The following KIF1A variants were observed in gnomAD, a reference collection of about 807,000 sequenced individuals.
The protein encoded by KIF1A is kinesin-like protein KIF1A.
KIF1A carries 46 observed loss-of-function variants against 227.3 expected under a neutral mutation model. The ratio of observed to expected loss-of-function variants is 0.20; its 90% confidence interval spans 0.16 to 0.26. The LOEUF (loss-of-function observed/expected upper bound fraction) is 0.26. Ranked by LOEUF, KIF1A falls within the 10% of genes least tolerant of loss-of-function variation. The pLI is 1.00. For missense variants in KIF1A, 1,683 were observed against 2,485.9 expected (o/e 0.68, Z 6.87); for synonymous variants, 1,022 against 1,012.8 (o/e 1.01, Z -0.17).
At chr2:240,800,889 G>C (rs961338030) in intron 1 of KIF1A, among the ~76,000 whole-genome samples, 8 of 152,252 alleles carry the variant, frequency 5.3e-5, no homozygotes, top group African/African-American at 1.9e-4. Flanking sequence ...CAGAGCCATA[G>C]CTCGGACGAA....
intron 1 of KIF1A, among the ~76,000 whole-genome samples, chr2:240,800,401 C>T (rs750637511): frequency 3.9e-4 from 60 of 152,248 alleles, no homozygotes; most frequent in South Asian, 6.2e-4. Flanking sequence ...CCCGATACCA[C>T]GCCGCACTGT....
rs1216585387 is a variant in KIF1A at position 240,739,687 on chromosome 2, G to A, written c.3901+371C>T. Reference sequence around the variant, plus strand: ...ACCAGGAGCTGGAAGAGGCAGGGAGGGATTTTCCCCAACAGGTTTCAGAGA... The same window carrying A: ...ACCAGGAGCTGGAAGAGGCAGGGAGAGATTTTCCCCAACAGGTTTCAGAGA... On this transcript the variant is annotated intron_variant, in intron 37 of 48. Transcript: ENST00000498729. This position sits in a 1 kb window ranked among gnomAD's most constrained non-coding sequence, Gnocchi z 5.6. 6.6e-6 allele frequency among the ~76,000 whole-genome samples: 1 copy of A among 152,138 alleles called. No homozygotes were observed. Among genetic ancestry groups the A allele is most frequent in the African/African-American group, 2.4e-5 (1 of 41,422 alleles).
At chr2:240,724,549 T>C in intron 40 of KIF1A, 1 of 183,282 alleles carries the variant, frequency 5.5e-6, no homozygotes, top group Non-Finnish European at 1.1e-5. Context: ...CCCCAAGCTC[T>C]TTCCTCCCAG....
At chr2:240,782,123 C>A in intron 10 of KIF1A, 1 of 985,404 alleles carries the variant, frequency 1.0e-6, no homozygotes, top group Non-Finnish European at 1.2e-6. Flanking sequence ...TCGCCCCAGG[C>A]AGCTTCACAC....
chr2:240,808,826 G>A (rs562848615), intron 1 of KIF1A, among the ~76,000 whole-genome samples: 5 of 151,988 alleles, frequency 3.3e-5, no homozygotes, highest in South Asian at 2.1e-4. Context: ...CGCCTCCTGC[G>A]TTCAAGTGAT....
intron 7 of KIF1A, among the ~76,000 whole-genome samples, chr2:240,784,787 G>C (rs966901415): frequency 6.6e-6 from 1 of 151,062 alleles, no homozygotes; most frequent in African/African-American, 2.5e-5. Flanking sequence ...CATGGAGAAT[G>C]CCAAGGCATG....
intron 1 of KIF1A, among the ~76,000 whole-genome samples, chr2:240,818,515 C>T (rs191582257): frequency 4.6e-5 from 7 of 152,330 alleles, no homozygotes; most frequent in East Asian, 3.9e-4. Context: ...CACCCTGCAC[C>T]GCAAGCTCCA....
chr2:240,718,218 C>T (rs1383016746), intron 47 of KIF1A, 50 bp from the exon 48 acceptor site: 1 of 1,261,862 alleles, frequency 7.9e-7, no homozygotes, highest in Admixed American at 2.0e-5. Context: ...GTGGTCAGCA[C>T]ACCACCCTCC....
chr2:240,754,307 G>C lies in KIF1A; in HGVS notation c.2858+3012C>G, dbSNP rs113287535. On this transcript the variant is annotated intron_variant, in intron 27 of 48. Coordinates refer to ENST00000498729, the MANE Select transcript of KIF1A (RefSeq NM_001244008.2). The stretch of plus-strand genomic sequence containing the variant: ...CTCATGGCACTGACCTCGGGCCCCA[G>C]GCCACCGGTGGGACATGTGGATCTG... Among the ~76,000 whole-genome samples the C allele has an allele frequency of 2.1e-3, 321 of 152,294 alleles. 2 individuals are homozygous for C. Among genetic ancestry groups the C allele is most frequent in the African/African-American group, 7.4e-3 (309 of 41,558 alleles).
rs182993546 is a variant in KIF1A, at chr2:240,742,133, C to T, written c.3641-756G>A. Among the ~76,000 whole-genome samples the T allele has an allele frequency of 8.3e-4, 127 of 152,334 alleles. 1 individual carries two copies. Among genetic ancestry groups the T allele is most frequent in the Middle Eastern group, 3.4e-3 (1 of 294 alleles). On this transcript the variant is annotated intron_variant, in intron 34 of 48. Coordinates refer to ENST00000498729, the MANE Select transcript of KIF1A (RefSeq NM_001244008.2). ...GGAGGGTGTCCTCCCACAGTGTCCT[C>T]AGCCCGCAAACCTTCATCTTACAGG...
At chr2:240,814,573 T>C (rs2058181396) in intron 1 of KIF1A, among the ~76,000 whole-genome samples, 1 of 152,036 alleles carries the variant, frequency 6.6e-6, no homozygotes, top group Non-Finnish European at 1.5e-5. Flanking sequence ...CCAGGGGACA[T>C]GGCAAGCAGC....
At chr2:240,809,684 T>TTTTTG in intron 1 of KIF1A, among the ~76,000 whole-genome samples, 1 of 151,678 alleles carries the variant, frequency 6.6e-6, no homozygotes, top group African/African-American at 2.4e-5. Flanking sequence ...TTTTTTTTTT[T>TTTTTG]TTGAGACAGA....
At chr2:240,721,184 C>G in intron 44 of KIF1A, 146 bp from the exon 45 acceptor site, 1 of 1,078,126 alleles carries the variant, frequency 9.3e-7, no homozygotes, top group Non-Finnish European at 1.3e-6. Context: ...TCAAAGTTGG[C>G]CAGCTCAAGA....
In KIF1A at chr2:240,723,474, C is replaced by T. The variant is rs767472111; in HGVS notation, c.4403G>A (p.Arg1468Gln). Reference sequence around the variant, plus strand: ...GTGGTCCAGAATGAGACTGTCACTCCGGGGCCTCCAGCCTGCCAGGTTCTC... The same window carrying T: ...GTGGTCCAGAATGAGACTGTCACTCTGGGGCCTCCAGCCTGCCAGGTTCTC... ...GEENLAGWRP[R>Q]SDSLILDHQW... The change falls in exon 42 of 49, where the codon CGG (arginine) becomes CAG (glutamine). Residue 1468 changes from arginine to glutamine, a missense_variant. Physicochemically the swap from Arg to Gln is conservative, Grantham distance 43. Transcript: ENST00000498729. The T allele has an allele frequency of 2.6e-6, 4 of 1,552,220 alleles. No individual in the cohort carries two copies. The highest frequency in any genetic ancestry group is 1.2e-5 in the South Asian group (1 of 84,122).
intron 45 of KIF1A, chr2:240,720,195 C>T (rs2045147132): frequency 5.5e-6 from 2 of 363,184 alleles, no homozygotes; most frequent in South Asian, 1.6e-4. Flanking sequence ...CCACTCCACG[C>T]CCTTCTCCCA....
chr2:240,815,395 T>C (rs1006996122), intron 1 of KIF1A, among the ~76,000 whole-genome samples: 2 of 152,046 alleles, frequency 1.3e-5, no homozygotes, highest in African/African-American at 4.8e-5. Flanking sequence ...GAAGGGGCCC[T>C]GCAGGAGCAG....
At chr2:240,750,353 C>T in intron 28 of KIF1A, 76 bp downstream of exon 28, 1 of 1,086,382 alleles carries the variant, frequency 9.2e-7, no homozygotes, top group Non-Finnish European at 1.4e-6. Flanking sequence ...CTTCTTGGGC[C>T]CACGCCTCTG....
chr2:240,792,687 G>A lies in KIF1A; in HGVS notation c.107-3375C>T, dbSNP rs926523301. On this transcript the variant is annotated intron_variant, in intron 2 of 48. Transcript: ENST00000498729. The surrounding 1 kb of genome is among the most constrained non-coding windows in gnomAD (Gnocchi z 4.5). ...CAACGGAGCCTGCTGTGGGCCGAGC[G>A]TGTCCCCAGATTCATATGCAATGCC... 2.6e-5 allele frequency among the ~76,000 whole-genome samples: 4 copies of A among 152,200 alleles called. No individual in the cohort carries two copies. The highest frequency in any genetic ancestry group is 4.8e-5 in the African/African-American group (2 of 41,452).
intron 38 of KIF1A, among the ~76,000 whole-genome samples, chr2:240,734,349 G>A (rs865834694): frequency 1.3e-5 from 2 of 152,238 alleles, no homozygotes; most frequent in South Asian, 4.1e-4. Context: ...AGCAGCGTGC[G>A]GGACACCGAG....
Sources: allele counts gnomAD v4.1 joint callset (sites outside exome capture counted in the v4.1 genomes callset), GRCh38; gene constraint gnomAD v4.1.1; non-coding constraint Gnocchi (gnomAD v3.1); transcripts MANE v1.5; gene names NCBI Gene and HGNC (gene_info 2026-07-23, HGNC 2026-07-21).